BANK1: variants seen among roughly 807,000 people sequenced by gnomAD.
BANK1 encodes B-cell scaffold protein with ankyrin repeats.
BANK1 carries 95 observed loss-of-function variants against 94.5 expected under a neutral mutation model. The ratio of observed to expected loss-of-function variants is 1.00; its 90% CI spans 0.85 to 1.19. The LOEUF (loss-of-function observed/expected upper bound fraction) is 1.19. Among genes scored for constraint, BANK1 ranks in the 50% most tolerant of loss-of-function variants. The probability of loss-of-function intolerance (pLI) is 0.00; values close to 1 mark genes in which losing one functional copy is unlikely to be tolerated. For missense variants in BANK1, 987 were observed against 932.2 expected, an observed-to-expected ratio of 1.06 and a Z score of -0.77; for synonymous variants, 334 against 308.4, an observed-to-expected ratio of 1.08 and a Z score of -0.87.
At chr4:101,811,669 T>G (rs997629123) in intron 1 of BANK1, among the ~76,000 whole-genome samples, 1 of 152,166 alleles carries the variant, frequency 6.6e-6, no homozygotes, top group African/African-American at 2.4e-5. Context: ...CAGGGCCATT[T>G]GTCAAACAGG....
intron 10 of BANK1, among the ~76,000 whole-genome samples, chr4:102,032,769 C>G (rs1727363195): frequency 6.6e-6 from 1 of 152,008 alleles, no homozygotes; most frequent in Non-Finnish European, 1.5e-5. Context: ...CCTGTAATGT[C>G]AGCTACTCAG....
chr4:101,870,800 A>T (rs977903743), intron 5 of BANK1, among the ~76,000 whole-genome samples, 156 bp downstream of exon 5: 1 of 152,036 alleles, frequency 6.6e-6, no homozygotes, highest in Non-Finnish European at 1.5e-5. Flanking sequence ...CTGTTGTGCC[A>T]AAATGCAGAC....
intron 7 of BANK1, among the ~76,000 whole-genome samples, chr4:102,004,077 A>G (rs190081667): frequency 2.7e-4 from 41 of 152,136 alleles, no homozygotes; most frequent in African/African-American, 7.7e-4. Flanking sequence ...CACAGCAACT[A>G]TAATCACCTG....
intron 10 of BANK1, 112 bp downstream of exon 10, chr4:102,030,377 C>A (rs1727255624): frequency 1.8e-6 from 2 of 1,093,142 alleles, no homozygotes; most frequent in Non-Finnish European, 2.6e-6. Flanking sequence ...AAAGAGTAAA[C>A]ATTTTTTTTC....
At chr4:101,981,788 C>T (rs1158809086) in intron 7 of BANK1, 1 of 152,050 alleles carries the variant, frequency 6.6e-6, no homozygotes, top group East Asian at 1.9e-4. Flanking sequence ...AGTGAGTCAG[C>T]TTTGAAGATA....
intron 8 of BANK1, among the ~76,000 whole-genome samples, chr4:102,022,852 A>G (rs1726960663): frequency 1.3e-5 from 2 of 152,110 alleles, no homozygotes; most frequent in African/African-American, 4.8e-5. Flanking sequence ...TTACTCATTC[A>G]CAAACCAATA....
intron 11 of BANK1, among the ~76,000 whole-genome samples, chr4:102,051,866 T>G (rs575340625): frequency 2.0e-5 from 3 of 152,146 alleles, no homozygotes; most frequent in South Asian, 2.1e-4. Flanking sequence ...GATGGGAAGG[T>G]CAAGAAGTCT....
intron 5 of BANK1, among the ~76,000 whole-genome samples, chr4:101,872,246 G>A (rs376743769): frequency 8.5e-4 from 130 of 152,224 alleles, no homozygotes; most frequent in African/African-American, 3.0e-3. Flanking sequence ...GCATGGCAAG[G>A]AGAGACATTA....
At chr4:101,918,695 A>G (rs569298612) in intron 7 of BANK1, among the ~76,000 whole-genome samples, 12 of 152,116 alleles carry the variant, frequency 7.9e-5, no homozygotes, top group African/African-American at 2.6e-4. Flanking sequence ...TTTGGAAAAT[A>G]TAATGGGACA....
rs138411983 is a variant in BANK1 at position 101,975,950 on chromosome 4, T to C, written c.1207-45564T>C. Among the ~76,000 whole-genome samples, 358 of 152,280 alleles carry C rather than the reference T, an allele frequency of 2.4e-3. 3 individuals are homozygous for C. The highest frequency in any genetic ancestry group is 8.2e-3 in the African/African-American group (340 of 41,568). ...TTCCGCATTCAGATATGCTATCCTT[T>C]CTTTTAGACTCTCAAAGGTCTTTTC... is the stretch of plus-strand genomic sequence containing the variant. On this transcript the variant is annotated intron_variant, in intron 7 of 16. Transcript: ENST00000322953.
At chr4:101,956,032 G>C (rs965064422) in intron 7 of BANK1, among the ~76,000 whole-genome samples, 5 of 152,132 alleles carry the variant, frequency 3.3e-5, no homozygotes, top group African/African-American at 1.2e-4. Context: ...TCCAAAATAA[G>C]TGTTTTCAGA....
rs143242594 is a variant in BANK1, at chr4:101,912,532, G to T, written c.1010-5461G>T. Among the ~76,000 whole-genome samples the T allele has an allele frequency of 2.8e-3, 420 of 149,824 alleles. 2 individuals are homozygous for T. The highest frequency in any genetic ancestry group is 9.7e-3 in the African/African-American group (397 of 41,024). On this transcript the variant is annotated intron_variant, in intron 6 of 16. Transcript: ENST00000322953. The stretch of plus-strand genomic sequence containing the variant: ...AAAGATAGATAGAGATAGGTTCATA[G>T]AAATACATATTATCTATAATAAATC...
chr4:101,811,528 T>A (rs1338024800), intron 1 of BANK1, among the ~76,000 whole-genome samples: 1 of 152,124 alleles, frequency 6.6e-6, no homozygotes, highest in Non-Finnish European at 1.5e-5. Flanking sequence ...TTGATAATAT[T>A]TGTCTTGAAT....
At chr4:102,060,132 G>A (rs1728363325) in intron 11 of BANK1, 79 bp from the exon 12 acceptor site, 1 of 1,287,154 alleles carries the variant, frequency 7.8e-7, no homozygotes, top group Admixed American at 2.8e-5. Context: ...CTACTCCAAT[G>A]GCTTATTTGT....
chr4:101,936,886 G>A (rs761664084), intron 7 of BANK1, among the ~76,000 whole-genome samples: 1 of 151,614 alleles, frequency 6.6e-6, no homozygotes, highest in Non-Finnish European at 1.5e-5. Flanking sequence ...AACCACTATG[G>A]AGAACAGTTT....
chr4:102,003,891 A>G (rs1726159268), intron 7 of BANK1, among the ~76,000 whole-genome samples: 1 of 151,474 alleles, frequency 6.6e-6, no homozygotes, highest in Non-Finnish European at 1.5e-5. Flanking sequence ...ATGTATATAC[A>G]TATATGTGTG....
chr4:101,835,099 C>A (rs1229692860), intron 2 of BANK1, among the ~76,000 whole-genome samples: 1 of 152,130 alleles, frequency 6.6e-6, no homozygotes, highest in African/African-American at 2.4e-5. Context: ...GACATTCCTT[C>A]CTTTTTCTGT....
chr4:102,027,114 T>C (rs989702299), intron 9 of BANK1, among the ~76,000 whole-genome samples: 29 of 152,192 alleles, frequency 1.9e-4, no homozygotes, highest in African/African-American at 6.8e-4. Flanking sequence ...AAGTTAGTAG[T>C]ACACTGACTA....
At chr4:101,855,901 T>G (rs541787337) in intron 3 of BANK1, among the ~76,000 whole-genome samples, 226 of 152,330 alleles carry the variant, frequency 1.5e-3, no homozygotes, top group African/African-American at 5.3e-3. Flanking sequence ...GTTCCTAGCA[T>G]GTCTTCCTCC....
Sources: allele counts gnomAD v4.1 joint callset (sites outside exome capture counted in the v4.1 genomes callset), GRCh38; gene constraint gnomAD v4.1.1; transcripts MANE v1.5; gene names NCBI Gene and HGNC (gene_info 2026-07-23, HGNC 2026-07-21).